Variants in COP1 observed in about 807,000 individuals in gnomAD.
The protein encoded by COP1 is COP1 E3 ubiquitin ligase, also known as E3 ubiquitin-protein ligase COP1.
In COP1, 24 loss-of-function variants were observed where a neutral mutation model predicts 101.3. That is an observed-to-expected ratio of 0.24 (90% CI 0.17 to 0.33). COP1 has a LOEUF of 0.33. Among genes scored for constraint, COP1 ranks in the 10% least tolerant of loss-of-function variants. COP1 has a pLI of 1.00. For synonymous variants in COP1, 347 were observed against 341.9 expected (o/e 1.01, Z -0.17); for missense variants, 663 against 906.2 (o/e 0.73, Z 3.45).
At chr1:176,032,664 G>C (rs1215239444) in intron 14 of COP1, among the ~76,000 whole-genome samples, 1 of 151,736 alleles carries the variant, frequency 6.6e-6, no homozygotes, top group Non-Finnish European at 1.5e-5. Flanking sequence ...TGACAACGCA[G>C]ATGTTTCTCC....
At chr1:176,050,151 T>C (rs1438236302) in intron 11 of COP1, among the ~76,000 whole-genome samples, 1 of 152,250 alleles carries the variant, frequency 6.6e-6, no homozygotes, top group African/African-American at 2.4e-5. Context: ...AAATTGCATT[T>C]TTCTTTCACA....
At chr1:175,979,985 A>T (rs1251011561) in intron 18 of COP1, among the ~76,000 whole-genome samples, 2 of 152,174 alleles carry the variant, frequency 1.3e-5, no homozygotes, top group Admixed American at 1.3e-4. Context: ...TTAAAAATAT[A>T]ATACTAATAG....
chr1:176,058,135 T>TCG (rs1553244710), intron 11 of COP1, among the ~76,000 whole-genome samples: 4 of 68,148 alleles, frequency 5.9e-5, no homozygotes, highest in South Asian at 6.1e-4. Context: ...GGAGGTGGGG[T>TCG]GGGGGGGGGG....
At position 176,163,811 on chromosome 1, in the gene COP1, A is replaced by G; in HGVS notation, c.642+4T>C. 1 of 1,551,630 alleles carries G rather than the reference A, an allele frequency of 6.4e-7. No homozygotes were observed. Among genetic ancestry groups the G allele is most frequent in the Non-Finnish European group, 8.8e-7 (1 of 1,135,948 alleles). ...TAAAAATAGTAATAAGAGTTGAAAC[A>G]TACGGTGCTACTCACTGAGTGGTCC... On this transcript the variant is annotated splice_donor_region_variant and intron_variant, in intron 4 of 19. Coordinates refer to ENST00000367669, the MANE Select transcript of COP1 (RefSeq NM_022457.7).
chr1:176,067,897 T>C (rs1033722787), intron 11 of COP1, among the ~76,000 whole-genome samples: 3 of 152,150 alleles, frequency 2.0e-5, no homozygotes, highest in African/African-American at 7.2e-5. Flanking sequence ...GCTCCCACGA[T>C]CTGCCTGTCT....
At chr1:175,998,108 A>T (rs1660701265) in intron 15 of COP1, among the ~76,000 whole-genome samples, 2 of 142,766 alleles carry the variant, frequency 1.4e-5, no homozygotes, top group Non-Finnish European at 3.0e-5. Flanking sequence ...TGGCACATAT[A>T]CACCATGGAA....
chr1:175,957,861 T>C (rs1650871692), intron 18 of COP1, among the ~76,000 whole-genome samples: 2 of 152,156 alleles, frequency 1.3e-5, no homozygotes, highest in South Asian at 4.1e-4. Flanking sequence ...GAACTACAGA[T>C]ACAGGCAATA....
chr1:176,026,952 A>G (rs1378028866), intron 15 of COP1, among the ~76,000 whole-genome samples: 1 of 152,144 alleles, frequency 6.6e-6, no homozygotes, highest in Non-Finnish European at 1.5e-5. Flanking sequence ...TGAATGAAAG[A>G]GGGCACTAAT....
chr1:176,179,565 C>A (rs557433274), intron 2 of COP1, among the ~76,000 whole-genome samples: 1 of 151,752 alleles, frequency 6.6e-6, no homozygotes, highest in South Asian at 2.1e-4. Context: ...GAAACCCCAA[C>A]TCTAAAAAAA....
intron 14 of COP1, among the ~76,000 whole-genome samples, chr1:176,042,863 T>A (rs1433847070): frequency 6.6e-6 from 1 of 150,894 alleles, no homozygotes; most frequent in East Asian, 2.0e-4. Context: ...ACCCCATCTC[T>A]ACCAAAAATA....
chr1:176,163,992 A>G, intron 3 of COP1, 101 bp from the exon 4 acceptor site: 1 of 634,512 alleles, frequency 1.6e-6, no homozygotes, highest in East Asian at 2.9e-5. Context: ...ACCTATACAT[A>G]GCCTCCAAAT....
intron 9 of COP1, among the ~76,000 whole-genome samples, chr1:176,104,192 C>T (rs1409447795): frequency 6.6e-6 from 1 of 151,902 alleles, no homozygotes; most frequent in Non-Finnish European, 1.5e-5. Context: ...AAATAAACTC[C>T]AAATAGATTG....
At chr1:176,071,352 C>A (rs1676972052) in intron 11 of COP1, among the ~76,000 whole-genome samples, 1 of 152,106 alleles carries the variant, frequency 6.6e-6, no homozygotes, top group African/African-American at 2.4e-5. Flanking sequence ...GCAAAGCCTG[C>A]AGAACCGTAA....
intron 18 of COP1, among the ~76,000 whole-genome samples, chr1:175,955,138 C>A (rs913711814): frequency 6.7e-6 from 1 of 149,820 alleles, no homozygotes; most frequent in Non-Finnish European, 1.5e-5. Flanking sequence ...TCCCAGCTAC[C>A]CAGAAGGTTG....
rs1672773929 is a variant in COP1 at position 176,052,691 on chromosome 1, T to G, written c.1278-6367A>C. ...AAGCCTCCCTCCCACTCTTGCCAAATAAGTACCCAATTGCCCTCTCTGTAG... is the reference window on the plus strand; with the variant it reads ...AAGCCTCCCTCCCACTCTTGCCAAAGAAGTACCCAATTGCCCTCTCTGTAG... On this transcript the variant is annotated intron_variant, in intron 11 of 19. Transcript: ENST00000367669. Among the ~76,000 whole-genome samples the G allele has an allele frequency of 3.3e-5, 5 of 152,130 alleles. No homozygotes were observed. In the South Asian group the frequency reaches 1.0e-3, roughly 32 times the overall value.
intron 7 of COP1, 59 bp downstream of exon 7, chr1:176,136,429 G>A (rs368107140): frequency 2.2e-5 from 25 of 1,151,922 alleles, no homozygotes; most frequent in Middle Eastern, 2.0e-4. Context: ...TAATGGAAAG[G>A]TGACAATTTC....
chr1:176,063,190 G>A (rs1178941275), intron 11 of COP1, among the ~76,000 whole-genome samples: 1 of 151,428 alleles, frequency 6.6e-6, no homozygotes, highest in African/African-American at 2.4e-5. Context: ...CTCCCGAGTA[G>A]CTGGGACTAC....
At chr1:176,131,024 T>C (rs1688799476) in intron 8 of COP1, among the ~76,000 whole-genome samples, 1 of 151,836 alleles carries the variant, frequency 6.6e-6, no homozygotes, top group Non-Finnish European at 1.5e-5. Flanking sequence ...GGATAGTTAC[T>C]TAACAGCTGA....
At chr1:176,094,874 T>C (rs1458668867) in intron 9 of COP1, among the ~76,000 whole-genome samples, 2 of 152,168 alleles carry the variant, frequency 1.3e-5, no homozygotes, top group Non-Finnish European at 2.9e-5. Context: ...CAAAACTGAA[T>C]ATTCTATTTC....
Sources: gnomAD v4.1 joint callset for allele counts (sites outside exome capture counted in the v4.1 genomes callset) on GRCh38, gnomAD v4.1.1 for gene constraint, MANE v1.5 for transcripts, NCBI Gene and HGNC (gene_info 2026-07-23, HGNC 2026-07-21) for gene names.